ZNF18: variants seen among roughly 807,000 people sequenced by gnomAD.
ZNF18 encodes the protein zinc finger protein 18, also known as heart development-specific gene 1 protein.
In ZNF18, 42 loss-of-function variants were observed where a neutral mutation model predicts 58.1. The ratio of observed to expected loss-of-function variants is 0.72; its 90% CI spans 0.56 to 0.93. ZNF18 has a LOEUF of 0.93. ZNF18 is among the 40% of genes least tolerant of loss of function. ZNF18 has a pLI of 0.00. For missense variants in ZNF18, 540 were observed against 644.2 expected (o/e 0.84, Z 1.75); for synonymous variants, 231 against 239.8 (o/e 0.96, Z 0.34).
the ZNF18 span, chr17:12,020,845 A>G: frequency 2.8e-5 from 27 of 957,090 alleles, no homozygotes; most frequent in Non-Finnish European, 3.5e-5. Context: ...AGCTTGCTGC[A>G]TTGCAGCCGC....
At chr17:12,000,546 TA>T (rs1050271539), upstream of ZNF18, among the ~76,000 whole-genome samples, 1 of 152,082 alleles carries the variant, frequency 6.6e-6, no homozygotes, top group Non-Finnish European at 1.5e-5. Flanking sequence ...CTGTCTCTAC[TA>T]AAAATACAAA....
chr17:12,010,955 T>C, the ZNF18 span: 1 of 696,510 alleles, frequency 1.4e-6, no homozygotes, highest in Non-Finnish European at 2.6e-6. Flanking sequence ...AATACACACA[T>C]TAATTCTCTT....
chr17:12,014,018 A>G, the ZNF18 span, among the ~76,000 whole-genome samples: 1 of 152,370 alleles, frequency 6.6e-6, no homozygotes, highest in Admixed American at 6.5e-5. Flanking sequence ...CATATATTTC[A>G]TTTTTAGTTT....
rs1967509546 is a variant in ZNF18, at chr17:11,983,405, C to T, written c.754G>A (p.Gly252Ser). Residue 252 changes from glycine to serine, a missense_variant and splice_region_variant, in exon 6 of 7, where the codon GGC becomes AGC. Transcript: ENST00000580306. ...ETYGKMVSGA[G>S]ISHPKSDLTN... is the part of the protein sequence containing the mutation. ...AGGTCAGATTTGGGATGGGAAATGC[C>T]TGCTATAGAGAGAAAGATGTATGGT... 1 of 1,612,550 alleles carries T rather than the reference C, an allele frequency of 6.2e-7. No homozygotes were observed. Among genetic ancestry groups the T allele is most frequent in the African/African-American group, 1.3e-5 (1 of 74,848 alleles).
chr17:12,020,165 G>A, the ZNF18 span, among the ~76,000 whole-genome samples: 1 of 152,204 alleles, frequency 6.6e-6, no homozygotes, highest in African/African-American at 2.4e-5. Flanking sequence ...GCATTTAGGG[G>A]AAGATGGTGA....
the ZNF18 span, among the ~76,000 whole-genome samples, chr17:12,016,605 C>T: frequency 4.1e-4 from 62 of 151,756 alleles, no homozygotes; most frequent in African/African-American, 6.3e-4. Context: ...GCTAGAATTA[C>T]AGGCATGAGC....
chr17:12,019,397 A>C, the ZNF18 span, among the ~76,000 whole-genome samples: 1 of 151,902 alleles, frequency 6.6e-6, no homozygotes, highest in Non-Finnish European at 1.5e-5. Flanking sequence ...TTTCTATTAA[A>C]AGAATATATA....
the ZNF18 span, among the ~76,000 whole-genome samples, chr17:12,004,770 C>A: frequency 6.6e-6 from 1 of 151,516 alleles, no homozygotes; most frequent in African/African-American, 2.4e-5. Flanking sequence ...GCCTATAATC[C>A]CAGCTACTTG....
chr17:11,990,651 C>T (rs1968058966), intron 3 of ZNF18, 101 bp from the exon 4 acceptor site: 1 of 904,344 alleles, frequency 1.1e-6, no homozygotes, highest in Non-Finnish European at 1.7e-6. Flanking sequence ...AATACCTGAA[C>T]AATACCTGTA....
At chr17:12,001,352 G>C (rs998756082), upstream of ZNF18, among the ~76,000 whole-genome samples, 1 of 152,122 alleles carries the variant, frequency 6.6e-6, no homozygotes, top group Admixed American at 6.6e-5. Flanking sequence ...ACCTCGGGCC[G>C]GGCGCGGTGG....
upstream of ZNF18, among the ~76,000 whole-genome samples, chr17:11,999,725 C>T (rs918544946): frequency 6.6e-6 from 1 of 152,144 alleles, no homozygotes; most frequent in East Asian, 1.9e-4. Flanking sequence ...AATAAGTGCA[C>T]AAGTGGTAAT....
intron 6 of ZNF18, among the ~76,000 whole-genome samples, chr17:11,983,075 T>C (rs771965022): frequency 2.3e-4 from 35 of 152,318 alleles, no homozygotes; most frequent in South Asian, 1.9e-3. Context: ...AGGTCTGATG[T>C]GTGGTCTTCC....
chr17:12,018,679 T>C, the ZNF18 span, among the ~76,000 whole-genome samples: 1 of 152,132 alleles, frequency 6.6e-6, no homozygotes, highest in African/African-American at 2.4e-5. Context: ...TAAGAAAAAG[T>C]TAAAAAGCTC....
At chr17:11,985,339 G>C (rs1279320026) in intron 4 of ZNF18, among the ~76,000 whole-genome samples, 1 of 152,114 alleles carries the variant, frequency 6.6e-6, no homozygotes, top group Non-Finnish European at 1.5e-5. Context: ...CCATTTTTTG[G>C]AGTCAGACGT....
chr17:12,019,884 G>T, the ZNF18 span, among the ~76,000 whole-genome samples: 2 of 152,220 alleles, frequency 1.3e-5, no homozygotes, highest in Admixed American at 1.3e-4. Context: ...TGGGAAGTAG[G>T]ATAACTGGCT....
chr17:12,021,104 C>T, the ZNF18 span: 10 of 594,310 alleles, frequency 1.7e-5, no homozygotes, highest in African/African-American at 1.9e-5. Flanking sequence ...GAGGAAGCCA[C>T]GGCAGCCGCC....
chr17:12,006,906 A>C, the ZNF18 span, among the ~76,000 whole-genome samples: 1 of 152,248 alleles, frequency 6.6e-6, no homozygotes, highest in Non-Finnish European at 1.5e-5. Context: ...ATTCTGTAAT[A>C]CTGTAATAAA....
chr17:12,018,885 T>C, the ZNF18 span, among the ~76,000 whole-genome samples: 1 of 151,578 alleles, frequency 6.6e-6, no homozygotes, highest in African/African-American at 2.4e-5. Flanking sequence ...TTTAATTCAG[T>C]TTCCCAATTT....
chr17:12,013,599 T>A, the ZNF18 span, among the ~76,000 whole-genome samples: 1 of 152,234 alleles, frequency 6.6e-6, no homozygotes, highest in Non-Finnish European at 1.5e-5. Flanking sequence ...TTGAGTCTAT[T>A]TCTAGTCTTC....
Sources: gnomAD v4.1 joint callset for allele counts (sites outside exome capture counted in the v4.1 genomes callset) on GRCh38, gnomAD v4.1.1 for gene constraint, MANE v1.5 for transcripts, NCBI Gene and HGNC (gene_info 2026-07-23, HGNC 2026-07-21) for gene names.